ANO6: variants seen among roughly 807,000 people sequenced by gnomAD.
ANO6 encodes the protein anoctamin-6.
In ANO6, 106 loss-of-function variants were observed where a neutral mutation model predicts 117.5. The observed-to-expected ratio is 0.90, with a 90% CI of 0.77 to 1.06. The LOEUF is 1.06. ANO6 is among the 50% of genes least tolerant of loss of function. The pLI is 0.00. For missense variants in ANO6, 955 were observed against 1,121.1 expected (o/e 0.85, Z 2.12); for synonymous variants, 367 against 385.1 (o/e 0.95, Z 0.55).
At chr12:45,216,833 C>T (rs750995227) in intron 1 of ANO6, among the ~76,000 whole-genome samples, 66 of 152,302 alleles carry the variant, frequency 4.3e-4, no homozygotes, top group Admixed American at 9.8e-4. Context: ...CCATCTGAAT[C>T]CTCGTTAAAG....
chr12:45,248,985 G>A (rs1947864506), intron 1 of ANO6, among the ~76,000 whole-genome samples: 1 of 152,200 alleles, frequency 6.6e-6, no homozygotes, highest in African/African-American at 2.4e-5. Context: ...CCTGAGTCAG[G>A]ATGGTGTAGT....
chr12:45,323,859 G>GT (rs5797939), intron 2 of ANO6, among the ~76,000 whole-genome samples: 18 of 148,602 alleles, frequency 1.2e-4, no homozygotes, highest in African/African-American at 4.2e-4. Context: ...GTTTTGTAAG[G>GT]TTTTTTTTTT....
intron 9 of ANO6, among the ~76,000 whole-genome samples, chr12:45,371,157 T>C (rs975305046): frequency 2.0e-5 from 3 of 152,308 alleles, no homozygotes; most frequent in Middle Eastern, 6.8e-3. Context: ...TCTGACGGGC[T>C]TAAAAAACGG....
chr12:45,275,704 G>C (rs1378008134), intron 1 of ANO6, among the ~76,000 whole-genome samples: 1 of 152,086 alleles, frequency 6.6e-6, no homozygotes, highest in Non-Finnish European at 1.5e-5. Flanking sequence ...CTGGATCTCT[G>C]AGTGGCTTTA....
At chr12:45,377,675 G>C (rs564342182) in intron 9 of ANO6, among the ~76,000 whole-genome samples, 35 of 152,280 alleles carry the variant, frequency 2.3e-4, no homozygotes, top group African/African-American at 8.4e-4. Flanking sequence ...GTTGCTTAGG[G>C]ATCATTGTAT....
chr12:45,318,697 C>T (rs1435779539), intron 2 of ANO6, among the ~76,000 whole-genome samples: 1 of 152,072 alleles, frequency 6.6e-6, no homozygotes, highest in Non-Finnish European at 1.5e-5. Flanking sequence ...GGCATTGAAT[C>T]TATAAATTAC....
intron 1 of ANO6, among the ~76,000 whole-genome samples, chr12:45,223,940 T>G (rs1434657121): frequency 6.6e-6 from 1 of 152,122 alleles, no homozygotes; most frequent in African/African-American, 2.4e-5. Flanking sequence ...TAATGCCTAG[T>G]GGTTTTATGG....
chr12:45,230,980 G>T (rs1348769595), intron 1 of ANO6, among the ~76,000 whole-genome samples: 1 of 152,146 alleles, frequency 6.6e-6, no homozygotes, highest in Non-Finnish European at 1.5e-5. Flanking sequence ...GGTGGTGCAT[G>T]CCTGTAGTCC....
chr12:45,220,073 G>A (rs1284304548), intron 1 of ANO6, among the ~76,000 whole-genome samples: 3 of 152,088 alleles, frequency 2.0e-5, no homozygotes, highest in African/African-American at 7.2e-5. Context: ...TATAGGAACA[G>A]CTTTTGTAGC....
chr12:45,400,345 T>A (rs1290151353), intron 12 of ANO6, among the ~76,000 whole-genome samples: 1 of 152,182 alleles, frequency 6.6e-6, no homozygotes, highest in Non-Finnish European at 1.5e-5. Context: ...GAGGATGACT[T>A]GATTCATCTT....
intron 1 of ANO6, among the ~76,000 whole-genome samples, chr12:45,270,967 A>G (rs1248684868): frequency 6.6e-6 from 1 of 151,994 alleles, no homozygotes; most frequent in African/African-American, 2.4e-5. Context: ...TGATCCACCC[A>G]CCTCGGCCTC....
At chr12:45,416,671 C>G (rs769364630) in intron 16 of ANO6, 28 bp from the exon 17 acceptor site, 2 of 1,610,412 alleles carry the variant, frequency 1.2e-6, no homozygotes, top group South Asian at 1.1e-5. Context: ...CACCACCACT[C>G]CATGATGTGT....
At chr12:45,393,575 G>A (rs972438278) in intron 12 of ANO6, among the ~76,000 whole-genome samples, 3 of 152,048 alleles carry the variant, frequency 2.0e-5, no homozygotes, top group African/African-American at 7.2e-5. Context: ...GAAGGAAAAA[G>A]TGTTAAGGGC....
intron 9 of ANO6, among the ~76,000 whole-genome samples, chr12:45,369,405 G>A (rs932258718): frequency 6.6e-6 from 1 of 151,908 alleles, no homozygotes; most frequent in Non-Finnish European, 1.5e-5. Flanking sequence ...AAGTTCTCTC[G>A]ACACTCCCCA....
intron 2 of ANO6, among the ~76,000 whole-genome samples, chr12:45,306,685 T>C (rs1358313262): frequency 6.6e-6 from 1 of 152,052 alleles, no homozygotes; most frequent in Non-Finnish European, 1.5e-5. Context: ...TTTACTAAAA[T>C]ATTCATTCGA....
At chr12:45,368,885 TAGAC>T (rs950567628) in intron 9 of ANO6, among the ~76,000 whole-genome samples, 2 of 152,204 alleles carry the variant, frequency 1.3e-5, no homozygotes, top group African/African-American at 4.8e-5. Context: ...CCCTGTGAGA[TAGAC>T]AGAACAGGCA....
chr12:45,293,702 A>G (rs1026244344), intron 1 of ANO6, among the ~76,000 whole-genome samples: 7 of 142,276 alleles, frequency 4.9e-5, no homozygotes, highest in African/African-American at 1.8e-4. Context: ...CTGGGACTAC[A>G]GGTGCCTGCC....
intron 15 of ANO6, among the ~76,000 whole-genome samples, chr12:45,408,191 C>T (rs1942991695): frequency 6.6e-6 from 1 of 152,188 alleles, no homozygotes; most frequent in South Asian, 2.1e-4. Flanking sequence ...TGTCCTTAAC[C>T]ATCATGCGAT....
At chr12:45,238,679 G>A (rs1395430156) in intron 1 of ANO6, among the ~76,000 whole-genome samples, 1 of 152,138 alleles carries the variant, frequency 6.6e-6, no homozygotes. Flanking sequence ...CTGTGGGTTT[G>A]TCATAAATAG....
Sources: gnomAD v4.1 joint callset for allele counts (sites outside exome capture counted in the v4.1 genomes callset) on GRCh38, gnomAD v4.1.1 for gene constraint, MANE v1.5 for transcripts, NCBI Gene and HGNC (gene_info 2026-07-23, HGNC 2026-07-21) for gene names.